The following MTIF3 variants were observed in gnomAD, a reference collection of about 807,000 sequenced individuals.
MTIF3 encodes translation initiation factor IF-3, mitochondrial.
Under a neutral mutation model 20.7 loss-of-function variants are expected in MTIF3, and 13 were observed. The ratio of observed to expected loss-of-function variants is 0.63; its 90% CI spans 0.41 to 1.00. The LOEUF is 1.00. Ranked by LOEUF, MTIF3 falls within the 50% of genes least tolerant of loss-of-function variation. MTIF3 has a pLI of 0.00. For synonymous variants in MTIF3, 114 were observed against 112.5 expected, an observed-to-expected ratio of 1.01 and a Z score of -0.08; for missense variants, 295 against 324.5, an observed-to-expected ratio of 0.91 and a Z score of 0.70.
At chr13:27,435,969 C>G (rs940504265) in intron 4 of MTIF3, 76 bp from the exon 5 acceptor site, 1 of 1,228,954 alleles carries the variant, frequency 8.1e-7, no homozygotes, top group Non-Finnish European at 1.2e-6. Flanking sequence ...CTTGAACATT[C>G]ACAAAAACTG....
chr13:27,443,729 A>G (rs116717784), intron 2 of MTIF3, among the ~76,000 whole-genome samples: 3,276 of 152,232 alleles, frequency 0.022, 130 homozygotes, highest in African/African-American at 0.074. Flanking sequence ...AATATAAAAA[A>G]TTTCAAAATT....
intron 2 of MTIF3, among the ~76,000 whole-genome samples, chr13:27,442,921 C>T (rs1487913452): frequency 6.6e-6 from 1 of 152,218 alleles, no homozygotes; most frequent in Non-Finnish European, 1.5e-5. Context: ...AGAACATGGA[C>T]TTTGTCCATT....
At chr13:27,436,272 C>T (rs759489355) in intron 4 of MTIF3, among the ~76,000 whole-genome samples, 2 of 152,156 alleles carry the variant, frequency 1.3e-5, no homozygotes, top group Non-Finnish European at 2.9e-5. Context: ...CAGAGTCTCT[C>T]TCAGTGACTG....
intron 2 of MTIF3, among the ~76,000 whole-genome samples, chr13:27,443,645 C>T (rs9581854): frequency 0.14 from 21,276 of 152,144 alleles, 1,828 homozygotes; most frequent in Non-Finnish European, 0.18. Flanking sequence ...TAACTCAGTA[C>T]TGGCTATCTT....
chr13:27,437,340 A>G, intron 3 of MTIF3, 67 bp from the exon 4 acceptor site: 2 of 1,419,242 alleles, frequency 1.4e-6, no homozygotes, highest in Non-Finnish European at 1.9e-6. Context: ...ACTTCCCAAC[A>G]TGCCCATCAT....
chr13:27,448,009 A>G (rs961532755), intron 1 of MTIF3, among the ~76,000 whole-genome samples: 2 of 152,144 alleles, frequency 1.3e-5, no homozygotes, highest in African/African-American at 2.4e-5. Context: ...AAAGACAATT[A>G]TTACTGCTCC....
At chr13:27,439,221 C>T (rs1217076915) in intron 3 of MTIF3, among the ~76,000 whole-genome samples, 3 of 152,106 alleles carry the variant, frequency 2.0e-5, no homozygotes, top group Non-Finnish European at 4.4e-5. Flanking sequence ...CCAGGCTAGG[C>T]GCAGTGGATC....
chr13:27,436,805 G>A (rs190597740), intron 4 of MTIF3, among the ~76,000 whole-genome samples: 120 of 138,182 alleles, frequency 8.7e-4, no homozygotes, highest in African/African-American at 2.8e-3. Context: ...AGGCTGGAGT[G>A]CAGTGGCGCG....
intron 3 of MTIF3, 88 bp from the exon 4 acceptor site, chr13:27,437,361 G>T: frequency 8.3e-7 from 1 of 1,202,130 alleles, no homozygotes; most frequent in Non-Finnish European, 1.2e-6. Flanking sequence ...AAAATCCTAG[G>T]TTGCCACCTG....
chr13:27,446,909 G>A (rs1489732632), intron 1 of MTIF3, among the ~76,000 whole-genome samples: 2 of 152,104 alleles, frequency 1.3e-5, no homozygotes, highest in Non-Finnish European at 2.9e-5. Context: ...GGGTGATGGT[G>A]CACTAAAATC....
Position 27,436,973 on chromosome 13 carries a change from A to G in MTIF3, c.618+143T>C, listed in dbSNP as rs1014768347. ...TCACCATGTTAGCCAGGTTGGTCTC[A>G]ATCTCCTGATCTCGTGATCCGCCCA... On this transcript the variant is annotated intron_variant, in intron 4 of 4. Transcript: ENST00000381120. The G allele has an allele frequency of 1.6e-4, 116 of 725,780 alleles. 1 individual carries two copies. The highest frequency in any genetic ancestry group is 5.1e-4 in the East Asian group (18 of 35,602). 45.0% of individuals were successfully genotyped at this position (725,780 alleles called of 1,614,324 possible).
At chr13:27,436,244 A>G (rs1439879834) in intron 4 of MTIF3, among the ~76,000 whole-genome samples, 2 of 151,974 alleles carry the variant, frequency 1.3e-5, no homozygotes, top group South Asian at 2.1e-4. Context: ...AGTTCTCAGC[A>G]CTCTCTATTG....
intron 1 of MTIF3, among the ~76,000 whole-genome samples, chr13:27,446,673 A>T (rs1954190701): frequency 6.6e-6 from 1 of 152,240 alleles, no homozygotes; most frequent in African/African-American, 2.4e-5. Context: ...ACATAATTTT[A>T]AAAAATATTC....
intron 2 of MTIF3, among the ~76,000 whole-genome samples, chr13:27,444,201 G>A (rs1177742332): frequency 6.6e-6 from 1 of 152,168 alleles, no homozygotes; most frequent in Non-Finnish European, 1.5e-5. Context: ...GGCTACTCGG[G>A]AGGCTGAGGC....
intron 3 of MTIF3, among the ~76,000 whole-genome samples, chr13:27,438,496 T>G (rs1054789010): frequency 6.9e-6 from 1 of 145,976 alleles, no homozygotes; most frequent in Non-Finnish European, 1.5e-5. Context: ...TTTTTTTTTT[T>G]TTTTTTTTTT....
Position 27,437,164 on chromosome 13 carries a change from C to G in MTIF3, c.570G>C (p.Gln190His), listed in dbSNP as rs1555259411. ...QQWIKKKHLV[Q>H]ITIKKGKNVD... is the part of the protein sequence containing the mutation. ...CATTTTTTCCTTTCTTTATGGTAAT[C>G]TGGACTAGGTGTTTTTTCTTAATCC... The change falls in exon 4 of 5, where the codon CAG becomes CAC. Residue 190 changes from glutamine to histidine, a missense_variant. Transcript: ENST00000381120. 3 of 1,614,016 alleles carry G rather than the reference C, an allele frequency of 1.9e-6. No homozygotes were observed. The highest frequency in any genetic ancestry group is 2.5e-6 in the Non-Finnish European group (3 of 1,179,950).
chr13:27,437,026 C>G, intron 4 of MTIF3, 90 bp downstream of exon 4: 3 of 1,371,844 alleles, frequency 2.2e-6, no homozygotes, highest in South Asian at 1.4e-5. Flanking sequence ...GCTGGGATTA[C>G]AGGCGTGAGC....
chr13:27,440,555 G>C (rs1033362597), intron 2 of MTIF3, 106 bp from the exon 3 acceptor site: 1 of 823,064 alleles, frequency 1.2e-6, no homozygotes, highest in African/African-American at 1.7e-5. Flanking sequence ...GGCTGTAACT[G>C]CAAGTGTGAG....
chr13:27,436,003 G>T, intron 4 of MTIF3, 110 bp from the exon 5 acceptor site: 2 of 790,536 alleles, frequency 2.5e-6, no homozygotes, highest in South Asian at 3.3e-5. Context: ...GCTGCTGTCG[G>T]TTAAGTGATT....
Sources: allele counts gnomAD v4.1 joint callset (sites outside exome capture counted in the v4.1 genomes callset), GRCh38; gene constraint gnomAD v4.1.1; transcripts MANE v1.5; gene names NCBI Gene and HGNC (gene_info 2026-07-23, HGNC 2026-07-21).